ABCA12: variants seen among roughly 807,000 people sequenced by gnomAD.
ABCA12 encodes glucosylceramide transporter ABCA12.
ABCA12 carries 156 observed loss-of-function variants against 293.5 expected under a neutral mutation model. That is an observed-to-expected ratio of 0.53 (90% CI 0.47 to 0.61). The LOEUF is 0.61. Ranked by LOEUF, ABCA12 falls within the 20% of genes least tolerant of loss-of-function variation. The probability of loss-of-function intolerance (pLI) is 0.00; values close to 1 mark genes in which losing one functional copy is unlikely to be tolerated. For missense variants in ABCA12, 2,797 were observed against 3,090.2 expected (o/e 0.91, Z 2.25); for synonymous variants, 1,063 against 1,108.0 (o/e 0.96, Z 0.81).
At chr2:215,108,090 T>C (rs567765217) in intron 2 of ABCA12, among the ~76,000 whole-genome samples, 71 of 152,240 alleles carry the variant, frequency 4.7e-4, no homozygotes, top group African/African-American at 1.6e-3. Flanking sequence ...TGGCTGAGTT[T>C]CATTTAGAGG....
chr2:214,975,391 A>G (rs1263356473), intron 34 of ABCA12, among the ~76,000 whole-genome samples: 1 of 152,242 alleles, frequency 6.6e-6, no homozygotes, highest in African/African-American at 2.4e-5. Context: ...TGTCACATGC[A>G]TCAGTGATCA....
Position 215,008,396 on chromosome 2 carries a change from A to AAC in ABCA12, c.2473-552_2473-551dup, listed in dbSNP as rs144250227. Among the ~76,000 whole-genome samples, 344 of 150,984 alleles carry AAC rather than the reference A, an allele frequency of 2.3e-3. 1 individual carries two copies. Among genetic ancestry groups the AAC allele is most frequent in the African/African-American group, 5.8e-3 (239 of 41,194 alleles). On this transcript the variant is annotated intron_variant, in intron 18 of 52. Transcript: ENST00000272895. ...CTACATTGTTTATATTAGCAAGAAA[A>AAC]ACACACACACACACACACAAAACAT...
chr2:215,021,793 T>C (rs1197385789), intron 11 of ABCA12, among the ~76,000 whole-genome samples: 1 of 152,096 alleles, frequency 6.6e-6, no homozygotes, highest in Non-Finnish European at 1.5e-5. Flanking sequence ...CACGTAGTTA[T>C]AGCAATTAAA....
chr2:214,936,153 A>C (rs888990724), intron 51 of ABCA12, among the ~76,000 whole-genome samples: 4 of 152,174 alleles, frequency 2.6e-5, no homozygotes, highest in Non-Finnish European at 5.9e-5. Context: ...ATAAGCTTTA[A>C]ATTGCATGCC....
Position 214,990,265 on chromosome 2 carries a change from A to C in ABCA12, c.3624+437T>G, listed in dbSNP as rs556633389. On this transcript the variant is annotated intron_variant, in intron 24 of 52. Transcript: ENST00000272895. ...TTCTGAATTGACAAGGCAGGAGAGA[A>C]TTTAAGGTTGCTTATATGCTGTTGG... Among the ~76,000 whole-genome samples, 10 of 152,286 alleles carry C rather than the reference A, an allele frequency of 6.6e-5. No individual in the cohort carries two copies. The South Asian group carries it at 2.1e-3, about 32-fold the overall frequency.
intron 1 of ABCA12, among the ~76,000 whole-genome samples, chr2:215,126,565 T>C (rs1473010705): frequency 6.6e-6 from 1 of 152,144 alleles, no homozygotes; most frequent in African/African-American, 2.4e-5. Context: ...CCATCTCTTC[T>C]AGGTTTTCTA....
At chr2:215,133,597 C>T (rs989838013) in intron 1 of ABCA12, among the ~76,000 whole-genome samples, 8 of 152,062 alleles carry the variant, frequency 5.3e-5, no homozygotes, top group African/African-American at 1.9e-4. Context: ...AATATTTCTT[C>T]ATTATTTCAT....
intron 28 of ABCA12, among the ~76,000 whole-genome samples, chr2:214,986,256 T>C (rs1050497892): frequency 2.6e-5 from 4 of 152,196 alleles, no homozygotes; most frequent in Non-Finnish European, 5.9e-5. Context: ...TACCTAAGAA[T>C]ATGAACTCAA....
chr2:215,010,323 G>A lies in ABCA12; in HGVS notation c.2472+8C>T. 1 of 1,613,444 alleles carries A rather than the reference G, an allele frequency of 6.2e-7. No homozygotes were observed. Among genetic ancestry groups the A allele is most frequent in the South Asian group, 1.1e-5 (1 of 91,050 alleles). Reference sequence around the variant, plus strand: ...GTCAAAATAGAAACTGAGTTATAATGGTCAAACCTTTTCCATTATTGCCTT... The same window carrying A: ...GTCAAAATAGAAACTGAGTTATAATAGTCAAACCTTTTCCATTATTGCCTT... On this transcript the variant is annotated splice_region_variant and intron_variant, in intron 18 of 52. Transcript: ENST00000272895.
chr2:214,967,251 C>T (rs1699283146), intron 38 of ABCA12, among the ~76,000 whole-genome samples: 1 of 152,132 alleles, frequency 6.6e-6, no homozygotes, highest in African/African-American at 2.4e-5. Flanking sequence ...TCATTATCTA[C>T]ATCCCTGTGG....
rs368971571 is a variant in ABCA12 at position 215,049,866 on chromosome 2, A to T, written c.508-55T>A. The T allele has an allele frequency of 1.4e-3, 2,083 of 1,499,266 alleles. 33 individuals are homozygous for T. In the South Asian group the frequency reaches 0.021, roughly 15 times the overall value. The allele number at this position is 1,499,266 out of a possible 1,614,324, so 92.9% of individuals were successfully genotyped here. A position where few individuals can be genotyped will look rare whatever the true frequency, so the allele number is the denominator to read the frequency against. The stretch of plus-strand genomic sequence containing the variant: ...AGAGTGTTAATAAATGTAGATGTTC[A>T]AATATTCTATTCTTCAAGGAATCTA... On this transcript the variant is annotated intron_variant, in intron 5 of 52. Transcript: ENST00000272895.
intron 40 of ABCA12, 122 bp downstream of exon 40, chr2:214,958,902 T>C (rs750262308): frequency 1.0e-4 from 110 of 1,094,110 alleles, no homozygotes; most frequent in Non-Finnish European, 1.5e-4. Context: ...GTCAGTGACA[T>C]ATTACCAGCC....
At chr2:214,981,954 A>ATTT (rs1559128627) in intron 30 of ABCA12, among the ~76,000 whole-genome samples, 1 of 125,064 alleles carries the variant, frequency 8.0e-6, no homozygotes, top group Admixed American at 8.6e-5. Flanking sequence ...TATTATTATT[A>ATTT]TTATTATTAT....
rs374653907 is a variant in ABCA12, at chr2:215,004,188, G to T, written c.2683+21C>A. On this transcript the variant is annotated intron_variant, in intron 20 of 52. Coordinates refer to ENST00000272895, the MANE Select transcript of ABCA12 (RefSeq NM_173076.3). ...TGTCCGACATGACTCATGAATAAAA[G>T]CTTTGTGAATTTGGACTCACCGAGT... is the stretch of plus-strand genomic sequence containing the variant. The T allele has an allele frequency of 4.4e-6, 7 of 1,591,462 alleles. No homozygotes were observed. In the South Asian group the frequency reaches 5.5e-5, roughly 13 times the overall value.
chr2:215,134,599 C>CTATATATA (rs1161603641), intron 1 of ABCA12, among the ~76,000 whole-genome samples: 2 of 85,272 alleles, frequency 2.3e-5, no homozygotes, highest in Admixed American at 1.1e-4. Context: ...CTCTCTCTCT[C>CTATATATA]TATATATATA....
intron 1 of ABCA12, among the ~76,000 whole-genome samples, chr2:215,112,275 C>G (rs893386165): frequency 6.6e-6 from 1 of 150,978 alleles, no homozygotes; most frequent in Non-Finnish European, 1.5e-5. Flanking sequence ...GTCCCATATA[C>G]TACTTAATGT....
chr2:214,979,987 C>T (rs58068447), intron 31 of ABCA12, among the ~76,000 whole-genome samples: 4,527 of 152,230 alleles, frequency 0.03, 241 homozygotes, highest in African/African-American at 0.1. Flanking sequence ...TTGACCTGTG[C>T]AAATTACAGT....
intron 2 of ABCA12, among the ~76,000 whole-genome samples, chr2:215,093,866 T>A (rs1352853530): frequency 6.6e-6 from 1 of 152,172 alleles, no homozygotes; most frequent in Non-Finnish European, 1.5e-5. Flanking sequence ...TGACTGTATC[T>A]CTCTGATCCA....
chr2:215,091,278 T>C (rs1320630926), intron 2 of ABCA12, among the ~76,000 whole-genome samples: 2 of 152,126 alleles, frequency 1.3e-5, no homozygotes, highest in Non-Finnish European at 2.9e-5. Flanking sequence ...CCACAGCCTC[T>C]GCTCCCCAAC....
Sources: gnomAD v4.1 joint callset for allele counts (sites outside exome capture counted in the v4.1 genomes callset) on GRCh38, gnomAD v4.1.1 for gene constraint, MANE v1.5 for transcripts, NCBI Gene and HGNC (gene_info 2026-07-23, HGNC 2026-07-21) for gene names.